ADGRL3: variants seen among roughly 807,000 people sequenced by gnomAD.
The protein encoded by ADGRL3 is adhesion G protein-coupled receptor L3.
ADGRL3 carries 62 observed loss-of-function variants against 153.5 expected under a neutral mutation model. The observed-to-expected ratio is 0.40, with a 90% confidence interval of 0.33 to 0.50. The LOEUF is 0.50. ADGRL3 is among the 20% of genes least tolerant of loss of function. The pLI is 0.47. For synonymous variants in ADGRL3, 710 were observed against 672.5 expected (o/e 1.06, Z -0.86); for missense variants, 1,641 against 1,859.4 (o/e 0.88, Z 2.16).
chr4:61,696,808 T>C (rs935741890), intron 6 of ADGRL3, among the ~76,000 whole-genome samples: 5 of 151,620 alleles, frequency 3.3e-5, no homozygotes, highest in African/African-American at 1.2e-4. Context: ...CCCAAGTAGC[T>C]TGGATTATAG....
intron 9 of ADGRL3, among the ~76,000 whole-genome samples, chr4:61,842,415 AG>A (rs1254747517): frequency 7.9e-5 from 12 of 152,184 alleles, no homozygotes; most frequent in African/African-American, 2.9e-4. Flanking sequence ...GAGTAATTAA[AG>A]GGACTAATCT....
At chr4:61,950,800 T>C (rs2098944285) in intron 17 of ADGRL3, among the ~76,000 whole-genome samples, 1 of 152,224 alleles carries the variant, frequency 6.6e-6, no homozygotes, top group Non-Finnish European at 1.5e-5. Context: ...CAAAGGAGGT[T>C]GTTTCAGTAG....
chr4:62,053,281 A>G (rs572919254), intron 25 of ADGRL3, among the ~76,000 whole-genome samples: 18 of 151,650 alleles, frequency 1.2e-4, no homozygotes, highest in African/African-American at 3.9e-4. Context: ...AAAGTACTTA[A>G]ATTGTAACAA....
intron 17 of ADGRL3, among the ~76,000 whole-genome samples, chr4:61,958,144 T>C (rs2098974412): frequency 6.6e-6 from 1 of 152,202 alleles, no homozygotes; most frequent in South Asian, 2.1e-4. Flanking sequence ...ATTTATCTTC[T>C]CTAGACTGTG....
chr4:61,803,500 G>T (rs1440755102), intron 8 of ADGRL3, among the ~76,000 whole-genome samples: 1 of 152,032 alleles, frequency 6.6e-6, no homozygotes, highest in South Asian at 2.1e-4. Context: ...GTCTTTCACT[G>T]ACGTCTCTCT....
chr4:62,070,726 G>A lies in ADGRL3; in HGVS notation c.4450G>A (p.Ala1484Thr), dbSNP rs1290473362. 1 of 1,551,584 alleles carries A rather than the reference G, an allele frequency of 6.4e-7. No individual in the cohort carries two copies. The highest frequency in any genetic ancestry group is 1.4e-5 in the African/African-American group (1 of 73,142). The change falls in exon 27 of 27, where the codon GCC becomes ACC. Residue 1484 changes from alanine to threonine, a missense_variant. By Grantham distance (58) the Ala-to-Thr change is moderately conservative. Around this residue, in one of 5 missense-constraint regions of ADGRL3, gnomAD observed 517 missense variants for 555.0 expected, o/e 0.93. Coordinates refer to ENST00000683033, the MANE Select transcript of ADGRL3 (RefSeq NM_001387552.1). ...ACCCCCACCGGCCAAATGTGGTGATGCCGAAGATGTTTACTACAAAAGCAT... is the reference window on the plus strand; with the variant it reads ...ACCCCCACCGGCCAAATGTGGTGATACCGAAGATGTTTACTACAAAAGCAT... The part of the protein sequence containing the change: ...TEPPPAKCGD[A>T]EDVYYKSMPN...
intron 1 of ADGRL3, among the ~76,000 whole-genome samples, chr4:61,358,798 A>C (rs534577540): frequency 1.3e-5 from 2 of 151,934 alleles, no homozygotes; most frequent in South Asian, 2.1e-4. Flanking sequence ...TGTGTTTTCT[A>C]TATTCACTTC....
At chr4:61,375,030 G>A (rs755777978) in intron 1 of ADGRL3, among the ~76,000 whole-genome samples, 17 of 151,756 alleles carry the variant, frequency 1.1e-4, no homozygotes, top group Non-Finnish European at 1.8e-4. Flanking sequence ...CTGGCATATT[G>A]GATTTTTGTG....
rs1429245615 is a variant in ADGRL3 at position 61,484,301 on chromosome 4, A to G, written c.-173-12820A>G. Reference sequence around the variant, plus strand: ...CAATTTTCCGTTTTGACTACCAATTAAAACCCTAAAAGCTGAGGAGATGTT... The same window carrying G: ...CAATTTTCCGTTTTGACTACCAATTGAAACCCTAAAAGCTGAGGAGATGTT... On this transcript the variant is annotated intron_variant, in intron 2 of 26. Transcript: ENST00000683033. 3.9e-5 allele frequency among the ~76,000 whole-genome samples: 6 copies of G among 152,166 alleles called. No homozygotes were observed. In the East Asian group the frequency reaches 9.6e-4, roughly 24 times the overall value.
Position 61,792,804 on chromosome 4 carries a change from A to T in ADGRL3, c.1400-21005A>T, listed in dbSNP as rs574271073. 4.8e-3 allele frequency among the ~76,000 whole-genome samples: 735 copies of T among 152,030 alleles called. 6 individuals carry two copies. The highest frequency in any genetic ancestry group is 0.01 in the Middle Eastern group (3 of 294). On this transcript the variant is annotated intron_variant, in intron 8 of 26. Transcript: ENST00000683033. ...TGCCTGGCCACTTTCCCACATTTTT[A>T]AATCTTTTTCTGAGCCCTCCAAACT...
intron 7 of ADGRL3, among the ~76,000 whole-genome samples, chr4:61,731,994 A>G: frequency 6.6e-6 from 1 of 152,186 alleles, no homozygotes; most frequent in East Asian, 1.9e-4. Context: ...CTCATGTAAC[A>G]GTAAAAGGTA....
chr4:61,855,435 A>C (rs2098252040), intron 9 of ADGRL3, among the ~76,000 whole-genome samples: 1 of 152,188 alleles, frequency 6.6e-6, no homozygotes, highest in South Asian at 2.1e-4. Context: ...TATAAAGTAC[A>C]TGTTTGCTTG....
intron 3 of ADGRL3, among the ~76,000 whole-genome samples, chr4:61,507,629 G>A (rs540092705): frequency 5.9e-5 from 9 of 151,598 alleles, no homozygotes; most frequent in African/African-American, 1.2e-4. Context: ...CACAGGTTGT[G>A]GGGGGGGACT....
intron 22 of ADGRL3, 46 bp from the exon 23 acceptor site, chr4:62,031,396 A>T (rs764708274): frequency 6.8e-7 from 1 of 1,473,282 alleles, no homozygotes; most frequent in Non-Finnish European, 9.2e-7. Context: ...GTTGTTAATT[A>T]AAGATCAATT....
rs1226775336 is a variant in ADGRL3, at chr4:61,744,506, C to T, written c.1399+10952C>T. ...ACACCTCACACCGCCGGGTACTCCT[C>T]TGAGACAAAAATTCCAGAGGAGCTA... is the stretch of plus-strand genomic sequence containing the variant. On this transcript the variant is annotated intron_variant, in intron 8 of 26. Coordinates refer to ENST00000683033, the MANE Select transcript of ADGRL3 (RefSeq NM_001387552.1). Among the ~76,000 whole-genome samples the T allele has an allele frequency of 3.9e-5, 6 of 152,246 alleles. No homozygotes were observed. In the South Asian group the frequency reaches 1.2e-3, roughly 32 times the overall value.
intron 1 of ADGRL3, among the ~76,000 whole-genome samples, chr4:61,284,183 A>G (rs995385423): frequency 5.3e-5 from 8 of 151,962 alleles, no homozygotes; most frequent in Admixed American, 5.3e-4. Flanking sequence ...AACATGCATT[A>G]ATTTGCAGTC....
intron 6 of ADGRL3, among the ~76,000 whole-genome samples, chr4:61,706,826 A>G (rs2151401430): frequency 6.6e-6 from 1 of 152,300 alleles, no homozygotes. Context: ...CAATGGATTA[A>G]CACTTTTAAT....
intron 9 of ADGRL3, among the ~76,000 whole-genome samples, chr4:61,814,989 C>T (rs776410947): frequency 6.6e-6 from 1 of 151,956 alleles, no homozygotes; most frequent in South Asian, 2.1e-4. Context: ...CCTGAGCCAT[C>T]GGGTCTGCGC....
intron 4 of ADGRL3, among the ~76,000 whole-genome samples, chr4:61,542,546 A>C (rs758681634): frequency 4.5e-4 from 68 of 152,070 alleles, no homozygotes; most frequent in Admixed American, 2.0e-3. Context: ...CCATGCATTT[A>C]TTTCTTTTAA....
Sources: gnomAD v4.1 joint callset for allele counts (sites outside exome capture counted in the v4.1 genomes callset) on GRCh38, gnomAD v4.1.1 for gene constraint, gnomAD v4.1.1 regional missense constraint, MANE v1.5 for transcripts, NCBI Gene and HGNC (gene_info 2026-07-23, HGNC 2026-07-21) for gene names.